TMEM132C: variants seen among roughly 807,000 people sequenced by gnomAD.
The protein encoded by TMEM132C is protein phosphatase 1, regulatory subunit 152.
A neutral mutation model predicts 61.4 loss-of-function variants in TMEM132C; 29 were observed. The ratio of observed to expected loss-of-function variants is 0.47; its 90% CI spans 0.35 to 0.64. The LOEUF (loss-of-function observed/expected upper bound fraction) is 0.64. TMEM132C is among the 30% of genes least tolerant of loss of function. The pLI is 0.00. For missense variants in TMEM132C, 1,408 were observed against 1,476.9 expected, an observed-to-expected ratio of 0.95 and a Z score of 0.76; for synonymous variants, 656 against 633.1, an observed-to-expected ratio of 1.04 and a Z score of -0.54.
chr12:128,555,067 G>C (rs940006072), intron 3 of TMEM132C, among the ~76,000 whole-genome samples: 2 of 152,166 alleles, frequency 1.3e-5, no homozygotes, highest in African/African-American at 4.8e-5. Context: ...TCAAGAGCCA[G>C]CATCGTGCTT....
At chr12:128,544,691 T>C (rs1004596008) in intron 3 of TMEM132C, among the ~76,000 whole-genome samples, 1 of 152,230 alleles carries the variant, frequency 6.6e-6, no homozygotes, top group African/African-American at 2.4e-5. Context: ...GGTAACCCAC[T>C]GATAGCATGT....
chr12:128,702,627 G>A (rs978251708), intron 8 of TMEM132C, among the ~76,000 whole-genome samples: 1 of 152,186 alleles, frequency 6.6e-6, no homozygotes, highest in Admixed American at 6.5e-5. Flanking sequence ...TTGTTCTGAA[G>A]GAGGTTGTAT....
chr12:128,689,433 AG>A (rs1954702591), intron 5 of TMEM132C, among the ~76,000 whole-genome samples: 1 of 152,194 alleles, frequency 6.6e-6, no homozygotes, highest in South Asian at 2.1e-4. Flanking sequence ...GCAGATGTGA[AG>A]CGGGATTGTC....
At chr12:128,476,996 C>T (rs1336927471) in intron 2 of TMEM132C, among the ~76,000 whole-genome samples, 1 of 152,008 alleles carries the variant, frequency 6.6e-6, no homozygotes, top group East Asian at 1.9e-4. Context: ...TTATTTTTTC[C>T]AGAAAAATTA....
At chr12:128,619,386 G>GA (rs1953936420) in intron 4 of TMEM132C, among the ~76,000 whole-genome samples, 1 of 152,214 alleles carries the variant, frequency 6.6e-6, no homozygotes, top group African/African-American at 2.4e-5. Flanking sequence ...TACTGCCTCT[G>GA]ACTCCCCCTG....
intron 3 of TMEM132C, among the ~76,000 whole-genome samples, chr12:128,608,509 C>G (rs1404052379): frequency 6.6e-6 from 1 of 152,196 alleles, no homozygotes. Flanking sequence ...AGTCAGAATT[C>G]AAACCCAAAT....
intron 5 of TMEM132C, among the ~76,000 whole-genome samples, chr12:128,681,966 G>A (rs988896218): frequency 2.0e-5 from 3 of 151,926 alleles, no homozygotes; most frequent in Admixed American, 1.3e-4. Context: ...CACCGTGCCC[G>A]GCCCAGATGG....
At chr12:128,299,855 A>T (rs1423584628) in intron 1 of TMEM132C, among the ~76,000 whole-genome samples, 2 of 152,224 alleles carry the variant, frequency 1.3e-5, no homozygotes, top group Non-Finnish European at 2.9e-5. Context: ...GTGGGTTCAC[A>T]TAACTCTAAG....
At chr12:128,514,092 G>A (rs1017077118) in intron 2 of TMEM132C, among the ~76,000 whole-genome samples, 6 of 152,184 alleles carry the variant, frequency 3.9e-5, no homozygotes, top group Non-Finnish European at 7.4e-5. Context: ...CCAGCTCCCC[G>A]AGGAATCAAA....
In TMEM132C at chr12:128,481,573, A is replaced by G. The variant is rs571538303; in HGVS notation, c.975-62384A>G. Among the ~76,000 whole-genome samples, 3 of 152,314 alleles carry G rather than the reference A, an allele frequency of 2.0e-5. No individual in the cohort carries two copies. In the East Asian group the frequency reaches 5.8e-4, roughly 29 times the overall value. On this transcript the variant is annotated intron_variant, in intron 2 of 8. Coordinates refer to ENST00000435159, the MANE Select transcript of TMEM132C (RefSeq NM_001136103.3). Reference sequence around the variant, plus strand: ...GCGGATGAGAGAGCTGAGGCCTAGCAGTGTGCAGTTCATGGCTCCAAGCCG... The same window carrying G: ...GCGGATGAGAGAGCTGAGGCCTAGCGGTGTGCAGTTCATGGCTCCAAGCCG...
intron 1 of TMEM132C, among the ~76,000 whole-genome samples, chr12:128,411,057 A>C (rs1396659138): frequency 6.6e-6 from 1 of 152,176 alleles, no homozygotes; most frequent in East Asian, 1.9e-4. Flanking sequence ...TTTAAGCAGA[A>C]ATACTAGGGA....
intron 1 of TMEM132C, among the ~76,000 whole-genome samples, chr12:128,318,531 T>A (rs1233678010): frequency 6.6e-6 from 1 of 152,208 alleles, no homozygotes; most frequent in East Asian, 1.9e-4. Flanking sequence ...TCACTACAGC[T>A]TCAAGAGTTA....
chr12:128,347,397 G>GCCTCTCTCTCTCTCTCTCTCTCTC (rs1873193951), intron 1 of TMEM132C, among the ~76,000 whole-genome samples: 1 of 135,424 alleles, frequency 7.4e-6, no homozygotes, highest in African/African-American at 3.0e-5. Flanking sequence ...GCATATGTAT[G>GCCTCTCTCTCTCTCTCTCTCTCTC]TCTCTCTCTC....
chr12:128,391,074 C>G (rs1049009405), intron 1 of TMEM132C, among the ~76,000 whole-genome samples: 1 of 152,170 alleles, frequency 6.6e-6, no homozygotes, highest in East Asian at 1.9e-4. Flanking sequence ...ATCAGAACTG[C>G]CCTGAGAAGT....
Position 128,706,270 on chromosome 12 carries a change from T to A in TMEM132C, c.3302T>A (p.Leu1101Gln). 1 of 1,546,780 alleles carries A rather than the reference T, an allele frequency of 6.5e-7. No individual in the cohort carries two copies. Among genetic ancestry groups the A allele is most frequent in the East Asian group, 2.4e-5 (1 of 40,828 alleles). ...GCCCCCAAGGAACTTAGAAACTATC[T>A]GGAGAAACTCAAAGATAAGGCTTAG... ...VGAPKELRNY[L>Q]EKLKDKA The change falls in exon 9 of 9, where the codon CTG becomes CAG. Residue 1101 changes from leucine (L) to glutamine (Q), a missense_variant. By Grantham distance (113) the Leu-to-Gln change is moderately radical. Coordinates refer to ENST00000435159, the MANE Select transcript of TMEM132C (RefSeq NM_001136103.3).
chr12:128,366,224 C>G (rs1200234564), intron 1 of TMEM132C, among the ~76,000 whole-genome samples: 2 of 152,180 alleles, frequency 1.3e-5, no homozygotes, highest in Admixed American at 1.3e-4. Flanking sequence ...GACTCCAGAC[C>G]TCTATGCTGT....
At chr12:128,390,083 C>T (rs543375287) in intron 1 of TMEM132C, among the ~76,000 whole-genome samples, 4 of 152,286 alleles carry the variant, frequency 2.6e-5, no homozygotes, top group Admixed American at 2.6e-4. Context: ...TTTGCCCAGG[C>T]TGATCTCAAA....
chr12:128,638,992 GTGATGGTGGTGATGA>G (rs1341072861), intron 4 of TMEM132C, among the ~76,000 whole-genome samples: 1 of 139,616 alleles, frequency 7.2e-6, no homozygotes, highest in Non-Finnish European at 1.6e-5. Context: ...GGTGGTGATG[GTGATGGTGGTGATGA>G]TGATGGTGGT....
At chr12:128,291,609 C>T (rs1871249649) in intron 1 of TMEM132C, among the ~76,000 whole-genome samples, 1 of 152,186 alleles carries the variant, frequency 6.6e-6, no homozygotes, top group Non-Finnish European at 1.5e-5. Context: ...TCCTGCTGTT[C>T]CCGTAACTCA....
Sources: gnomAD v4.1 joint callset for allele counts (sites outside exome capture counted in the v4.1 genomes callset) on GRCh38, gnomAD v4.1.1 for gene constraint, MANE v1.5 for transcripts, NCBI Gene and HGNC (gene_info 2026-07-23, HGNC 2026-07-21) for gene names.